Variants in GLMN observed in about 807,000 individuals in gnomAD.
The protein encoded by GLMN is glomulin, FKBP associated protein, also known as glomulin.
In GLMN, 75 loss-of-function variants were observed where a neutral mutation model predicts 87.8. The observed-to-expected ratio is 0.85, with a 90% confidence interval of 0.71 to 1.04. GLMN has a LOEUF of 1.04. Ranked by LOEUF, GLMN falls within the 50% of genes least tolerant of loss-of-function variation. GLMN has a pLI of 0.00. For missense variants in GLMN, 588 were observed against 658.8 expected, an observed-to-expected ratio of 0.89 and a Z score of 1.18; for synonymous variants, 206 against 221.6, an observed-to-expected ratio of 0.93 and a Z score of 0.63.
intron 7 of GLMN, among the ~76,000 whole-genome samples, chr1:92,275,705 A>G (rs992728434): frequency 2.6e-5 from 4 of 152,218 alleles, no homozygotes; most frequent in East Asian, 1.9e-4. Context: ...TACCAATGCC[A>G]TCTTACTTCC....
chr1:92,249,298 A>G (rs1441262716), intron 16 of GLMN, among the ~76,000 whole-genome samples: 1 of 127,460 alleles, frequency 7.8e-6, no homozygotes, highest in Non-Finnish European at 1.7e-5. Flanking sequence ...CTTTATGTTG[A>G]TTTTTAAATA....
chr1:92,292,724 TTTC>T (rs1211969276), intron 3 of GLMN, among the ~76,000 whole-genome samples: 2 of 140,084 alleles, frequency 1.4e-5, no homozygotes, highest in Admixed American at 1.5e-4. Context: ...CACCCCGTCT[TTTC>T]TTTTCTTTTT....
the GLMN span, among the ~76,000 whole-genome samples, chr1:92,360,578 C>A: frequency 6.6e-6 from 1 of 152,134 alleles, no homozygotes; most frequent in Non-Finnish European, 1.5e-5. Flanking sequence ...TAGAGGGTAA[C>A]TGGTGGAATG....
At chr1:92,296,507 G>C (rs553003639) in intron 3 of GLMN, among the ~76,000 whole-genome samples, 2 of 152,252 alleles carry the variant, frequency 1.3e-5, no homozygotes, top group South Asian at 2.1e-4. Context: ...CCTATCATGA[G>C]AAGCATGGGG....
chr1:92,339,018 TGAG>T, the GLMN span, among the ~76,000 whole-genome samples: 1 of 152,212 alleles, frequency 6.6e-6, no homozygotes, highest in African/African-American at 2.4e-5. Context: ...TCAGAAAAGA[TGAG>T]AATAAGCCCT....
chr1:92,272,121 G>A (rs1287893071), intron 7 of GLMN, among the ~76,000 whole-genome samples: 2 of 152,160 alleles, frequency 1.3e-5, no homozygotes, highest in Non-Finnish European at 2.9e-5. Context: ...AAGAAAATGG[G>A]GACCTCAGTC....
intron 7 of GLMN, among the ~76,000 whole-genome samples, chr1:92,272,996 G>C (rs934900717): frequency 1.3e-5 from 2 of 152,144 alleles, no homozygotes; most frequent in South Asian, 4.1e-4. Flanking sequence ...GAAAGTTAAA[G>C]TCACAACAAA....
intron 9 of GLMN, among the ~76,000 whole-genome samples, chr1:92,269,491 A>G (rs1337245745): frequency 6.6e-6 from 1 of 152,202 alleles, no homozygotes; most frequent in Non-Finnish European, 1.5e-5. Flanking sequence ...TGACTGTAAA[A>G]GCCCTTAAGA....
the GLMN span, among the ~76,000 whole-genome samples, chr1:92,309,580 T>TACATAC: frequency 6.0e-3 from 887 of 147,842 alleles, 5 homozygotes; most frequent in Non-Finnish European, 9.1e-3. Flanking sequence ...CATATACATA[T>TACATAC]ACATACACAT....
chr1:92,289,642 C>T (rs901934336), intron 5 of GLMN, among the ~76,000 whole-genome samples: 1 of 152,168 alleles, frequency 6.6e-6, no homozygotes, highest in Non-Finnish European at 1.5e-5. Flanking sequence ...TGAAAAATAA[C>T]CTCTTCCTAT....
At chr1:92,320,611 T>A in the GLMN span, 1 of 1,611,494 alleles carries the variant, frequency 6.2e-7, no homozygotes. Context: ...ATCCTGATTT[T>A]CAACTGCTAA....
the GLMN span, chr1:92,304,273 C>A: frequency 4.9e-6 from 7 of 1,433,274 alleles, no homozygotes; most frequent in South Asian, 8.4e-5. Flanking sequence ...GCTGTACTTT[C>A]TTTTCTTTAG....
intron 3 of GLMN, among the ~76,000 whole-genome samples, chr1:92,294,045 T>C (rs1327601315): frequency 6.6e-6 from 1 of 151,752 alleles, no homozygotes; most frequent in South Asian, 2.1e-4. Flanking sequence ...TACTATTTGA[T>C]AGCACAACAG....
chr1:92,313,198 A>T, the GLMN span, among the ~76,000 whole-genome samples: 1 of 152,170 alleles, frequency 6.6e-6, no homozygotes, highest in Non-Finnish European at 1.5e-5. Context: ...TAGAATGGTG[A>T]ATCCTTTCGT....
chr1:92,317,099 G>A, the GLMN span, among the ~76,000 whole-genome samples: 1 of 152,128 alleles, frequency 6.6e-6, no homozygotes, highest in Non-Finnish European at 1.5e-5. Flanking sequence ...CTAAATAGAG[G>A]CAACAGGATA....
chr1:92,346,718 A>G, the GLMN span, among the ~76,000 whole-genome samples: 1 of 152,234 alleles, frequency 6.6e-6, no homozygotes, highest in Non-Finnish European at 1.5e-5. Flanking sequence ...ACAAAAGCAT[A>G]TATAAAACAT....
At chr1:92,318,710 C>T in the GLMN span, among the ~76,000 whole-genome samples, 1 of 152,080 alleles carries the variant, frequency 6.6e-6, no homozygotes, top group African/African-American at 2.4e-5. Context: ...CTCTCCTGGG[C>T]CTTGCTTTAT....
rs1056380601 is a variant in GLMN, at chr1:92,276,319, A to G, written c.736-4667T>C. Reference sequence around the variant, plus strand: ...TATATTTTAAATTCCTTAAAAACCTATTCTCTCTCTGGTTATTAGATATAT... The same window carrying G: ...TATATTTTAAATTCCTTAAAAACCTGTTCTCTCTCTGGTTATTAGATATAT... On this transcript the variant is annotated intron_variant, in intron 7 of 18. Transcript: ENST00000370360. Among the ~76,000 whole-genome samples, 3 of 152,020 alleles carry G rather than the reference A, an allele frequency of 2.0e-5. No individual in the cohort carries two copies. The South Asian group carries it at 6.2e-4, about 31-fold the overall frequency.
At chr1:92,334,851 G>A in the GLMN span, among the ~76,000 whole-genome samples, 3 of 152,116 alleles carry the variant, frequency 2.0e-5, no homozygotes, top group Non-Finnish European at 2.9e-5. Context: ...AGCCGGGCGT[G>A]GTGGCGGATG....
Sources: gnomAD v4.1 joint callset for allele counts (sites outside exome capture counted in the v4.1 genomes callset) on GRCh38, gnomAD v4.1.1 for gene constraint, MANE v1.5 for transcripts, NCBI Gene and HGNC (gene_info 2026-07-23, HGNC 2026-07-21) for gene names.